ALOX15B: variants seen among roughly 807,000 people sequenced by gnomAD.
The protein encoded by ALOX15B is arachidonate 15-lipoxygenase type B.
In ALOX15B, 74 loss-of-function variants were observed where a neutral mutation model predicts 73.8. The observed-to-expected ratio is 1.00, with a 90% confidence interval of 0.83 to 1.22. The LOEUF (loss-of-function observed/expected upper bound fraction) is 1.22, where lower values mean the gene tolerates loss of function less well. ALOX15B is among the 50% of genes most tolerant of loss of function. The pLI, the probability that ALOX15B is intolerant of heterozygous loss-of-function variation, is 0.00. For synonymous variants in ALOX15B, 353 were observed against 357.2 expected (o/e 0.99, Z 0.13); for missense variants, 896 against 859.9 (o/e 1.04, Z -0.52).
rs1444222111 is a variant in ALOX15B at position 8,039,712 on chromosome 17, ACAGAGTAGCGGG to A, written c.367+113_367+124del. 6.1e-5 allele frequency: 78 copies of A among 1,279,298 alleles called. No homozygotes were observed. The Admixed American group carries it at 8.7e-4, about 14-fold the overall frequency. The allele number at this position is 1,279,298 out of a possible 1,614,324, so 79.2% of individuals were successfully genotyped here. A position where few individuals can be genotyped will look rare whatever the true frequency, so the allele number is the denominator to read the frequency against. On this transcript the variant is annotated intron_variant, in intron 2 of 13. Coordinates refer to ENST00000380183, the MANE Select transcript of ALOX15B (RefSeq NM_001141.3). ...AATGGAGAGGTGAGCTGGTGTGGCCACAGAGTAGCGGGCAGAGGAGAGGGAATGGCGGAGCCT... is the reference window on the plus strand; with the variant it reads ...AATGGAGAGGTGAGCTGGTGTGGCCACAGAGGAGAGGGAATGGCGGAGCCT...
In ALOX15B at chr17:8,039,615, G is replaced by A. The variant is rs1976378528; in HGVS notation, c.367+10G>A. On this transcript the variant is annotated intron_variant, in intron 2 of 13. Coordinates refer to ENST00000380183, the MANE Select transcript of ALOX15B (RefSeq NM_001141.3). ...CTGCAGGAGGGTACAGGTGAGGGGC[G>A]GGCCGGGCTGGGGCTGCAGGGGGAG... 10 of 1,193,382 alleles carry A rather than the reference G, an allele frequency of 8.4e-6. No individual in the cohort carries two copies. Among genetic ancestry groups the A allele is most frequent in the East Asian group, 2.6e-5 (1 of 38,640 alleles). 73.9% of individuals were successfully genotyped at this position (1,193,382 alleles called of 1,614,324 possible). A position where few individuals can be genotyped will look rare whatever the true frequency, so the allele number is the denominator to read the frequency against.
rs1040592975 is a variant in ALOX15B at position 8,045,513 on chromosome 17, A to G, written c.1027A>G (p.Ile343Val). 4 of 1,613,780 alleles carry G rather than the reference A, an allele frequency of 2.5e-6. No homozygotes were observed. In the East Asian group the frequency reaches 6.7e-5, roughly 27 times the overall value. The change falls in exon 8 of 14, where the codon ATC (isoleucine) becomes GTC (valine). Residue 343 changes from isoleucine (I) to valine (V), a missense_variant. Ile to Val is a conservative substitution (Grantham distance 29). Coordinates refer to ENST00000380183, the MANE Select transcript of ALOX15B (RefSeq NM_001141.3). ...LSQTPGPNSP[I>V]FLPTDDKWDW... is the part of the protein sequence containing the mutation. ...CCAGACCCCCGGCCCAAACAGCCCCATCTTCCTGCCCACTGATGACAAGTG... is the reference window on the plus strand; with the variant it reads ...CCAGACCCCCGGCCCAAACAGCCCCGTCTTCCTGCCCACTGATGACAAGTG...
intron 2 of ALOX15B, 140 bp downstream of exon 2, chr17:8,039,745 A>G (rs1598160670): frequency 8.5e-7 from 1 of 1,180,212 alleles, no homozygotes; most frequent in Admixed American, 2.6e-5. Context: ...GGAATGGCGG[A>G]GCCTTGGGGA....
chr17:8,042,945 C>T, intron 5 of ALOX15B, 61 bp downstream of exon 5: 1 of 1,394,978 alleles, frequency 7.2e-7, no homozygotes, highest in East Asian at 2.5e-5. Context: ...CTGTGGCTGC[C>T]CAGAGTCTCA....
Position 8,048,746 on chromosome 17 carries a change from A to C in ALOX15B, c.*181A>C. The C allele has an allele frequency of 3.3e-6, 2 of 602,228 alleles. No individual in the cohort carries two copies. The highest frequency in any genetic ancestry group is 5.4e-6 in the Non-Finnish European group (2 of 369,662). 37.3% of individuals were successfully genotyped at this position (602,228 alleles called of 1,614,324 possible). On this transcript the variant is annotated 3_prime_UTR_variant, in exon 14 of 14. Coordinates refer to ENST00000380183, the MANE Select transcript of ALOX15B (RefSeq NM_001141.3). ...CACACAAAAACAGAAACAAAATCAA[A>C]ACAGAGAAAGCAGAAAATCTACCAA...
At chr17:8,040,633 A>C (rs1445532383) in intron 3 of ALOX15B, among the ~76,000 whole-genome samples, 2 of 131,510 alleles carry the variant, frequency 1.5e-5, no homozygotes, top group Non-Finnish European at 1.8e-5. Context: ...GAAAGAAAGA[A>C]AGAAAGAAAG....
chr17:8,047,425 C>T (rs541303628), intron 11 of ALOX15B, 46 bp downstream of exon 11: 130 of 1,609,974 alleles, frequency 8.1e-5, no homozygotes, highest in Middle Eastern at 2.0e-4. Context: ...AGCCCATCCC[C>T]GTGTCCCCCA....
rs768567915 is a variant in ALOX15B, at chr17:8,045,533, C to T, written c.1047C>T (p.Asp349=). Reference sequence around the variant, plus strand: ...GCCCCATCTTCCTGCCCACTGATGACAAGTGGGACTGGTTGCTGGCCAAGA... The same window carrying T: ...GCCCCATCTTCCTGCCCACTGATGATAAGTGGGACTGGTTGCTGGCCAAGA... ...PNSPIFLPTD[D]KWDWLLAKTW... is the part of the protein sequence containing the mutation. Residue 349 remains aspartate (D), a synonymous_variant, in exon 8 of 14, where the codon GAC becomes GAT. Coordinates refer to ENST00000380183, the MANE Select transcript of ALOX15B (RefSeq NM_001141.3). 23 of 1,614,064 alleles carry T rather than the reference C, an allele frequency of 1.4e-5. No individual in the cohort carries two copies.
At chr17:8,041,429 C>T (rs532718564) in intron 3 of ALOX15B, among the ~76,000 whole-genome samples, 4 of 152,176 alleles carry the variant, frequency 2.6e-5, no homozygotes, top group South Asian at 2.1e-4. Context: ...TCTTATAAAA[C>T]GTACAGTGAG....
At chr17:8,048,209 C>A (rs1392398972) in intron 13 of ALOX15B, among the ~76,000 whole-genome samples, 177 bp from the exon 14 acceptor site, 5 of 152,234 alleles carry the variant, frequency 3.3e-5, no homozygotes, top group African/African-American at 7.2e-5. Context: ...ACATGGATAT[C>A]TGTTTAAGAG....
chr17:8,042,954 C>T (rs1452007837), intron 5 of ALOX15B, 70 bp downstream of exon 5: 3 of 1,316,684 alleles, frequency 2.3e-6, no homozygotes, highest in Non-Finnish European at 3.2e-6. Context: ...CCCAGAGTCT[C>T]AGAAAACCAA....
rs1255631976 is a variant in ALOX15B at position 8,040,647 on chromosome 17, G to GAAAGAAAGAAAGA, written c.449+671_449+672insGAAAGAAAAGAAA. Among the ~76,000 whole-genome samples the GAAAGAAAGAAAGA allele has an allele frequency of 3.5e-3, 432 of 122,278 alleles. 2 individuals carry two copies. Among genetic ancestry groups the GAAAGAAAGAAAGA allele is most frequent in the African/African-American group, 0.011 (387 of 36,690 alleles). The allele number at this position is 122,278 out of a possible 152,430, so 80.2% of individuals were successfully genotyped here. A position where few individuals can be genotyped will look rare whatever the true frequency, so the allele number is the denominator to read the frequency against. On this transcript the variant is annotated intron_variant, in intron 3 of 13. Coordinates refer to ENST00000380183, the MANE Select transcript of ALOX15B (RefSeq NM_001141.3). ...AGAAAGAAAGAAAGAAAGAAAGAAA[G>GAAAGAAAGAAAGA]AAAGAAAAGAAAGAGAAAGAAACTG... is the stretch of plus-strand genomic sequence containing the variant.
rs1225301886 is a variant in ALOX15B, at chr17:8,047,088, TC to T, written c.1457+15del. 4 of 1,612,640 alleles carry T rather than the reference TC, an allele frequency of 2.5e-6. No homozygotes were observed. Among genetic ancestry groups the T allele is most frequent in the Non-Finnish European group, 3.4e-6 (4 of 1,179,860 alleles). ...GGTGCAGTGGAACGGTGAGGGGCCG[TC>T]CCTGGAGAGCCGAGGGCTGGTCGGG... On this transcript the variant is annotated intron_variant, in intron 10 of 13. Transcript: ENST00000380183.
At position 8,045,602 on chromosome 17, in the gene ALOX15B, G is replaced by C. The variant is rs375041979; in HGVS notation, c.1116G>C (p.Thr372=). Residue 372 remains threonine (T), a synonymous_variant, in exon 8 of 14, where the codon ACG becomes ACC. Transcript: ENST00000380183. ...NAEFSFHEAL[T]HLLHSHLLPE... ...AGTTCTCCTTCCATGAGGCCCTCAC[G>C]CACCTGCTGCACTCACATCTGCTGC... The C allele has an allele frequency of 3.1e-6, 5 of 1,614,010 alleles. No individual in the cohort carries two copies. Among genetic ancestry groups the C allele is most frequent in the Middle Eastern group, 1.6e-4 (1 of 6,084 alleles).
At chr17:8,044,423 C>CA (rs56146478) in intron 5 of ALOX15B, among the ~76,000 whole-genome samples, 5,987 of 93,468 alleles carry the variant, frequency 0.064, 178 homozygotes, top group African/African-American at 0.08. Context: ...CAGCCTGTCT[C>CA]AAAAAAAAAA....
intron 13 of ALOX15B, 30 bp from the exon 14 acceptor site, chr17:8,048,356 G>A (rs770726886): frequency 1.9e-5 from 30 of 1,593,408 alleles, no homozygotes; most frequent in African/African-American, 8.1e-5. Context: ...CTCAGCAGCC[G>A]CCTCACCCAA....
chr17:8,044,336 C>T (rs528069224), intron 5 of ALOX15B, among the ~76,000 whole-genome samples: 2 of 148,550 alleles, frequency 1.3e-5, no homozygotes, highest in Admixed American at 1.4e-4. Flanking sequence ...GCAGGAGGAT[C>T]GGTTGAACCC....
Position 8,047,921 on chromosome 17 carries a change from T to C in ALOX15B, c.1851+6T>C, listed in dbSNP as rs1976658173. 1.2e-6 allele frequency: 2 copies of C among 1,613,726 alleles called. No homozygotes were observed. Among genetic ancestry groups the C allele is most frequent in the East Asian group, 2.2e-5 (1 of 44,864 alleles). ...GCAAGGAGCCTGGAGACCAAGTGAG[T>C]GTGGGGCTGGGGGCCAGGCTGGGCC... On this transcript the variant is annotated splice_donor_region_variant and intron_variant, in intron 13 of 13. Transcript: ENST00000380183.
intron 5 of ALOX15B, among the ~76,000 whole-genome samples, chr17:8,043,751 T>C (rs933116141): frequency 6.6e-6 from 1 of 151,886 alleles, no homozygotes; most frequent in African/African-American, 2.4e-5. Flanking sequence ...GGATTTGATA[T>C]GTGAGGGGTA....
Sources: allele counts gnomAD v4.1 joint callset (sites outside exome capture counted in the v4.1 genomes callset), GRCh38; gene constraint gnomAD v4.1.1; transcripts MANE v1.5; gene names NCBI Gene and HGNC (gene_info 2026-07-23, HGNC 2026-07-21).